PMS1: variants seen among roughly 807,000 people sequenced by gnomAD.
PMS1 encodes the protein PMS1 homolog 1, mismatch repair system component.
A neutral mutation model predicts 93.1 loss-of-function variants in PMS1; 79 were observed. That is an observed-to-expected ratio of 0.85 (90% CI 0.71 to 1.02). PMS1 has a LOEUF of 1.02. Among genes scored for constraint, PMS1 ranks in the 50% least tolerant of loss-of-function variants. The pLI is 0.00. For missense variants in PMS1, 1,064 were observed against 1,085.3 expected (o/e 0.98, Z 0.28); for synonymous variants, 335 against 363.4 (o/e 0.92, Z 0.89).
chr2:189,849,105 T>C (rs189370490), intron 6 of PMS1, among the ~76,000 whole-genome samples: 2 of 152,276 alleles, frequency 1.3e-5, no homozygotes, highest in Admixed American at 6.5e-5. Flanking sequence ...GGTAACTTTT[T>C]TTTTTTTCCT....
intron 5 of PMS1, among the ~76,000 whole-genome samples, chr2:189,819,763 G>A (rs2051664704): frequency 6.6e-6 from 1 of 152,084 alleles, no homozygotes; most frequent in African/African-American, 2.4e-5. Context: ...CCTTCTGGAT[G>A]TTATCTCTGT....
intron 4 of PMS1, among the ~76,000 whole-genome samples, chr2:189,809,515 T>C (rs183092575): frequency 4.1e-5 from 6 of 146,800 alleles, no homozygotes; most frequent in African/African-American, 1.5e-4. Flanking sequence ...GAAAAGACTT[T>C]TCCATAAGTA....
At chr2:189,833,440 G>A (rs1276878098) in intron 5 of PMS1, among the ~76,000 whole-genome samples, 2 of 152,044 alleles carry the variant, frequency 1.3e-5, no homozygotes, top group Non-Finnish European at 2.9e-5. Context: ...AAATTAACTG[G>A]GCATGGTGGC....
At chr2:189,794,337 A>G (rs930986181) in intron 2 of PMS1, among the ~76,000 whole-genome samples, 1 of 152,004 alleles carries the variant, frequency 6.6e-6, no homozygotes, top group Admixed American at 6.6e-5. Flanking sequence ...CTGGTCTCAA[A>G]CTCCTGACCT....
At position 189,791,775 on chromosome 2, in the gene PMS1, A is replaced by G. The variant is rs374746052; in HGVS notation, c.-20-15A>G. ...ATGCTTAACAATTCTTACAAGTTGC[A>G]TTTTTATCTTCTAGCTGCTCTGTTA... On this transcript the variant is annotated splice_polypyrimidine_tract_variant and intron_variant, in intron 1 of 12. Transcript: ENST00000441310. The G allele has an allele frequency of 6.8e-5, 109 of 1,608,860 alleles. No homozygotes were observed. The African/African-American group carries it at 1.3e-3, about 19-fold the overall frequency.
At chr2:189,874,125 T>TA (rs1256593674) in intron 12 of PMS1, among the ~76,000 whole-genome samples, 1 of 152,148 alleles carries the variant, frequency 6.6e-6, no homozygotes, top group African/African-American at 2.4e-5. Flanking sequence ...AACACTCTAT[T>TA]AAGTTTCACA....
chr2:189,835,110 A>G (rs1358327733), intron 5 of PMS1, among the ~76,000 whole-genome samples: 3 of 152,228 alleles, frequency 2.0e-5, no homozygotes, highest in Non-Finnish European at 2.9e-5. Flanking sequence ...TTTATCTTTC[A>G]TCTGCCTAGC....
In PMS1 at chr2:189,854,660, A is replaced by G; in HGVS notation, c.1388A>G (p.Lys463Arg). Residue 463 changes from lysine (K) to arginine (R), a missense_variant, in exon 9 of 13, where the codon AAG becomes AGG. Coordinates refer to ENST00000441310, the MANE Select transcript of PMS1 (RefSeq NM_000534.5). ...YSKTCFISSVKHTQSENGNKD... is the reference protein window; with the variant it reads ...YSKTCFISSVRHTQSENGNKD... ...AAAACTTGTTTTATAAGTTCCGTTA[A>G]GCACACCCAGTCAGAAAATGGCAAT... 6.2e-7 allele frequency: 1 copy of G among 1,613,992 alleles called. No homozygotes were observed. The highest frequency in any genetic ancestry group is 8.5e-7 in the Non-Finnish European group (1 of 1,179,910).
At chr2:189,799,523 T>C (rs1032896596) in intron 3 of PMS1, among the ~76,000 whole-genome samples, 4 of 152,248 alleles carry the variant, frequency 2.6e-5, no homozygotes, top group African/African-American at 9.6e-5. Flanking sequence ...TTGAACTTGA[T>C]ATAAATGAAA....
At chr2:189,875,723 T>A (rs1429687597) in intron 12 of PMS1, among the ~76,000 whole-genome samples, 2 of 151,566 alleles carry the variant, frequency 1.3e-5, no homozygotes, top group African/African-American at 2.4e-5. Context: ...GAGGCTGAGG[T>A]GAGTGAATCA....
At chr2:189,788,181 T>C (rs1255137343) in intron 1 of PMS1, among the ~76,000 whole-genome samples, 2 of 152,220 alleles carry the variant, frequency 1.3e-5, no homozygotes, top group African/African-American at 4.8e-5. Context: ...CAAAGTTTTG[T>C]TGATCAGTGT....
At chr2:189,792,148 A>C (rs1334687662) in intron 2 of PMS1, among the ~76,000 whole-genome samples, 1 of 152,252 alleles carries the variant, frequency 6.6e-6, no homozygotes, top group Non-Finnish European at 1.5e-5. Context: ...AATATAAAAG[A>C]AAACATGTTC....
At chr2:189,792,537 A>G (rs1269942654) in intron 2 of PMS1, among the ~76,000 whole-genome samples, 1 of 151,664 alleles carries the variant, frequency 6.6e-6, no homozygotes, top group Non-Finnish European at 1.5e-5. Flanking sequence ...ATTTTTTAAA[A>G]TCTCTTAATT....
intron 9 of PMS1, among the ~76,000 whole-genome samples, chr2:189,862,838 A>G (rs1215924221): frequency 1.3e-5 from 2 of 152,216 alleles, no homozygotes; most frequent in Non-Finnish European, 2.9e-5. Context: ...TTCAGATTCC[A>G]AACTTTGTTT....
chr2:189,864,253 G>T, intron 10 of PMS1, 25 bp downstream of exon 10: 8 of 1,488,996 alleles, frequency 5.4e-6, no homozygotes, highest in Non-Finnish European at 6.6e-6. Flanking sequence ...TACTTTTTAA[G>T]AGTAAAAATA....
intron 5 of PMS1, among the ~76,000 whole-genome samples, chr2:189,832,352 A>C (rs2053023679): frequency 6.6e-6 from 1 of 152,262 alleles, no homozygotes; most frequent in Non-Finnish European, 1.5e-5. Flanking sequence ...GTTACAAAGC[A>C]ATAGCAGCTT....
chr2:189,826,298 C>T (rs2052421555), intron 5 of PMS1, among the ~76,000 whole-genome samples: 3 of 152,016 alleles, frequency 2.0e-5, no homozygotes, highest in Admixed American at 2.0e-4. Flanking sequence ...CTCAAATGCC[C>T]CTTCCTTAGG....
At chr2:189,818,237 T>C (rs547150262) in intron 5 of PMS1, 57 bp downstream of exon 5, 28 of 1,158,998 alleles carry the variant, frequency 2.4e-5, no homozygotes, top group African/African-American at 4.6e-5. Context: ...AAACAATGTA[T>C]ACTTTATAAA....
At chr2:189,821,758 G>T (rs1431387225) in intron 5 of PMS1, among the ~76,000 whole-genome samples, 2 of 152,032 alleles carry the variant, frequency 1.3e-5, no homozygotes, top group Non-Finnish European at 2.9e-5. Context: ...GCAGTGAGCC[G>T]AGATCGCACC....
Sources: gnomAD v4.1 joint callset for allele counts (sites outside exome capture counted in the v4.1 genomes callset) on GRCh38, gnomAD v4.1.1 for gene constraint, MANE v1.5 for transcripts, NCBI Gene and HGNC (gene_info 2026-07-23, HGNC 2026-07-21) for gene names.